CNOT2: variants seen among roughly 807,000 people sequenced by gnomAD.
CNOT2 encodes the protein CC chemokine receptor 4-negative regulator of transcription 2.
CNOT2 carries 7 observed loss-of-function variants against 72.1 expected under a neutral mutation model. The ratio of observed to expected loss-of-function variants is 0.10; its 90% CI spans 0.06 to 0.18. The LOEUF is 0.18. CNOT2 is among the 10% of genes least tolerant of loss of function. The pLI is 1.00. For synonymous variants in CNOT2, 196 were observed against 225.6 expected (o/e 0.87, Z 1.17); for missense variants, 345 against 660.3 (o/e 0.52, Z 5.23).
At chr12:70,299,377 C>T (rs1242715981) in intron 2 of CNOT2, among the ~76,000 whole-genome samples, 1 of 114,968 alleles carries the variant, frequency 8.7e-6, no homozygotes, top group Non-Finnish European at 1.9e-5. Flanking sequence ...TCCCCCCTCC[C>T]CCCACCCCCC....
rs558630325 is a variant in CNOT2 at position 70,321,638 on chromosome 12, T to C, written c.238+2274T>C. ...AAGTGCATTGAGTACCACTATTAAT[T>C]CTGTTCAGTTGGCAAACTTTTATTG... On this transcript the variant is annotated intron_variant, in intron 4 of 15. Transcript: ENST00000229195. 2.6e-5 allele frequency: 4 copies of C among 151,988 alleles called. No homozygotes were observed. In the South Asian group the frequency reaches 8.3e-4, roughly 32 times the overall value. The allele number at this position is 151,988 out of a possible 1,614,324, so 9.4% of individuals were successfully genotyped here.
At chr12:70,323,674 C>T (rs1216649778) in intron 4 of CNOT2, 1 of 151,778 alleles carries the variant, frequency 6.6e-6, no homozygotes, top group African/African-American at 2.4e-5. Context: ...AGACAGGAGA[C>T]ACCTGTTAGG....
At chr12:70,305,165 C>T (rs941404200) in intron 2 of CNOT2, among the ~76,000 whole-genome samples, 3 of 152,168 alleles carry the variant, frequency 2.0e-5, no homozygotes, top group Non-Finnish European at 2.9e-5. Context: ...CATGGTGCGC[C>T]GCACCCACTG....
At chr12:70,307,317 A>G (rs923377507) in intron 2 of CNOT2, among the ~76,000 whole-genome samples, 8 of 152,210 alleles carry the variant, frequency 5.3e-5, no homozygotes, top group African/African-American at 1.4e-4. Context: ...GTACAGCTGT[A>G]CAAAAATATT....
At chr12:70,252,502 A>G (rs1387139917) in intron 1 of CNOT2, among the ~76,000 whole-genome samples, 2 of 152,182 alleles carry the variant, frequency 1.3e-5, no homozygotes, top group Admixed American at 6.5e-5. Context: ...ATTATATACT[A>G]TTTTATCATA....
chr12:70,259,787 G>A (rs1395904672), intron 1 of CNOT2, among the ~76,000 whole-genome samples: 1 of 152,096 alleles, frequency 6.6e-6, no homozygotes, highest in African/African-American at 2.4e-5. Flanking sequence ...CAGTTTTGCC[G>A]CTTTCCTTTA....
chr12:70,302,808 C>T (rs1424941985), intron 2 of CNOT2, among the ~76,000 whole-genome samples: 3 of 148,918 alleles, frequency 2.0e-5, no homozygotes, highest in African/African-American at 7.4e-5. Context: ...CTAATGTTGA[C>T]AGTGGGGTGT....
chr12:70,305,007 A>G (rs1874976479), intron 2 of CNOT2, among the ~76,000 whole-genome samples: 1 of 152,180 alleles, frequency 6.6e-6, no homozygotes, highest in African/African-American at 2.4e-5. Context: ...GCCTTTTGTT[A>G]AACCTGTTGG....
chr12:70,298,515 A>C (rs543584655), intron 2 of CNOT2, among the ~76,000 whole-genome samples: 1 of 152,332 alleles, frequency 6.6e-6, no homozygotes, highest in South Asian at 2.1e-4. Flanking sequence ...AGGGATAGTT[A>C]ATTGTTCTTA....
Position 70,304,752 on chromosome 12 carries a change from T to C in CNOT2, c.49-6143T>C, listed in dbSNP as rs558765650. Among the ~76,000 whole-genome samples the C allele has an allele frequency of 3.3e-3, 499 of 152,364 alleles. 3 individuals carry two copies. The highest frequency in any genetic ancestry group is 4.2e-3 in the Admixed American group (64 of 15,312). Reference sequence around the variant, plus strand: ...AGAGGTTACTGCTGCCTTTTGTTTGTCTGTGCCCTGCCCCCAGAGGTGGAG... The same window carrying C: ...AGAGGTTACTGCTGCCTTTTGTTTGCCTGTGCCCTGCCCCCAGAGGTGGAG... On this transcript the variant is annotated intron_variant, in intron 2 of 15. Coordinates refer to ENST00000229195, the MANE Select transcript of CNOT2 (RefSeq NM_014515.7).
At chr12:70,300,090 G>C (rs1230447241) in intron 2 of CNOT2, among the ~76,000 whole-genome samples, 2 of 152,102 alleles carry the variant, frequency 1.3e-5, no homozygotes, top group Non-Finnish European at 2.9e-5. Context: ...TTGTAAATTT[G>C]TTGGAGTTCA....
At chr12:70,297,818 A>G (rs1309646496) in intron 2 of CNOT2, 3 of 299,324 alleles carry the variant, frequency 1.0e-5, no homozygotes, top group South Asian at 5.1e-5. Context: ...GCTCACTGCA[A>G]CCTCCGCCTC....
chr12:70,339,851 C>T (rs563476442), intron 11 of CNOT2, among the ~76,000 whole-genome samples: 1 of 152,202 alleles, frequency 6.6e-6, no homozygotes, highest in South Asian at 2.1e-4. Flanking sequence ...GTCTAGCCAA[C>T]AAATCTGACT....
intron 1 of CNOT2, among the ~76,000 whole-genome samples, chr12:70,249,947 G>GA (rs1194869093): frequency 1.3e-5 from 2 of 151,618 alleles, no homozygotes; most frequent in African/African-American, 2.4e-5. Context: ...CCTGAAATTA[G>GA]AAAAAAAATT....
At chr12:70,255,281 A>G (rs1432220570) in intron 1 of CNOT2, among the ~76,000 whole-genome samples, 1 of 152,102 alleles carries the variant, frequency 6.6e-6, no homozygotes, top group African/African-American at 2.4e-5. Flanking sequence ...TTGTTAGCCA[A>G]GTGTATTTTT....
intron 1 of CNOT2, among the ~76,000 whole-genome samples, chr12:70,257,130 A>G (rs915808474): frequency 2.0e-5 from 3 of 152,278 alleles, no homozygotes; most frequent in Non-Finnish European, 2.9e-5. Flanking sequence ...TATAAGTACA[A>G]TCATTTCAAA....
intron 1 of CNOT2, among the ~76,000 whole-genome samples, chr12:70,256,582 TAAA>T (rs372870920): frequency 1.8e-4 from 20 of 108,416 alleles, no homozygotes; most frequent in African/African-American, 4.5e-4. Context: ...GACCTGTGGG[TAAA>T]AAAAAAAAAA....
At chr12:70,275,772 C>T (rs1868680126) in intron 1 of CNOT2, among the ~76,000 whole-genome samples, 1 of 152,032 alleles carries the variant, frequency 6.6e-6, no homozygotes, top group Admixed American at 6.6e-5. Flanking sequence ...ATACTTGTTC[C>T]TTTTCACAGA....
chr12:70,348,033 T>C (rs1368932995), intron 15 of CNOT2: 1 of 152,222 alleles, frequency 6.6e-6, no homozygotes, highest in East Asian at 1.9e-4. Flanking sequence ...GTTTCCTCTT[T>C]TGTAAAATTG....
Sources: gnomAD v4.1 joint callset for allele counts (sites outside exome capture counted in the v4.1 genomes callset) on GRCh38, gnomAD v4.1.1 for gene constraint, MANE v1.5 for transcripts, NCBI Gene and HGNC (gene_info 2026-07-23, HGNC 2026-07-21) for gene names.